THEMIS: variants seen among roughly 807,000 people sequenced by gnomAD.
THEMIS encodes protein THEMIS.
Under a neutral mutation model 52.6 loss-of-function variants are expected in THEMIS, and 37 were observed. The ratio of observed to expected loss-of-function variants is 0.70; its 90% CI spans 0.54 to 0.93. The LOEUF (loss-of-function observed/expected upper bound fraction) is 0.93, where lower values mean the gene tolerates loss of function less well. THEMIS is among the 40% of genes least tolerant of loss of function. The pLI, the probability that THEMIS is intolerant of heterozygous loss-of-function variation, is 0.00. For missense variants in THEMIS, 808 were observed against 763.1 expected, an observed-to-expected ratio of 1.06 and a Z score of -0.69; for synonymous variants, 292 against 272.7, an observed-to-expected ratio of 1.07 and a Z score of -0.70.
chr6:127,710,742 A>C (rs1562206408), intron 5 of THEMIS, among the ~76,000 whole-genome samples: 1 of 151,930 alleles, frequency 6.6e-6, no homozygotes, highest in African/African-American at 2.4e-5. Context: ...AGCGCGATGG[A>C]TGGGTAATTA....
chr6:127,756,167 A>G lies in THEMIS; in HGVS notation c.1759-36344T>C, dbSNP rs183274065. ...GGTATGCAAGTAAGTACTCATTTGC[A>G]TTATGTTACAAGTATAATTATACAA... On this transcript the variant is annotated intron_variant, in intron 4 of 5. Coordinates refer to ENST00000368248, the MANE Select transcript of THEMIS (RefSeq NM_001010923.3). Among the ~76,000 whole-genome samples, 4 of 152,354 alleles carry G rather than the reference A, an allele frequency of 2.6e-5. No homozygotes were observed. In the East Asian group the frequency reaches 7.7e-4, roughly 29 times the overall value.
At chr6:127,883,407 TTAAC>T (rs200963513) in intron 1 of THEMIS, among the ~76,000 whole-genome samples, 3,740 of 151,060 alleles carry the variant, frequency 0.025, 177 homozygotes, top group African/African-American at 0.086. Context: ...ATATAATAAA[TTAAC>T]TAATTTAAAT....
chr6:127,855,007 T>C (rs1178084296), intron 2 of THEMIS, 23 bp downstream of exon 2: 1 of 1,573,872 alleles, frequency 6.4e-7, no homozygotes, highest in South Asian at 1.2e-5. Context: ...GTACAAATGA[T>C]AAGTGGTTGC....
chr6:127,784,738 G>A (rs1389734535), intron 4 of THEMIS, among the ~76,000 whole-genome samples: 2 of 152,112 alleles, frequency 1.3e-5, no homozygotes, highest in Non-Finnish European at 2.9e-5. Flanking sequence ...AGCTGAGATG[G>A]AGTCTGTGGT....
At chr6:127,787,664 C>T (rs1360063192) in intron 4 of THEMIS, among the ~76,000 whole-genome samples, 2 of 151,964 alleles carry the variant, frequency 1.3e-5, no homozygotes, top group Non-Finnish European at 2.9e-5. Flanking sequence ...ATAAACGATA[C>T]CATAAAATGA....
chr6:127,781,253 G>C (rs1158670636), intron 4 of THEMIS, among the ~76,000 whole-genome samples: 1 of 150,578 alleles, frequency 6.6e-6, no homozygotes, highest in African/African-American at 2.4e-5. Flanking sequence ...AGGTCATCAT[G>C]TTCTTCTCTC....
intron 4 of THEMIS, among the ~76,000 whole-genome samples, chr6:127,787,895 A>AGATAGAT: frequency 6.8e-6 from 1 of 147,538 alleles, no homozygotes; most frequent in African/African-American, 2.6e-5. Flanking sequence ...ATAGATAGAT[A>AGATAGAT]GATAGATAGA....
chr6:127,731,864 A>ATTTTTTTTTTT lies in THEMIS; in HGVS notation c.1759-12052_1759-12042dup, dbSNP rs58263706. Among the ~76,000 whole-genome samples the ATTTTTTTTTTT allele has an allele frequency of 4.0e-3, 168 of 41,708 alleles. 38 individuals are homozygous for ATTTTTTTTTTT. Among genetic ancestry groups the ATTTTTTTTTTT allele is most frequent in the East Asian group, 0.035 (16 of 460 alleles). 27.4% of individuals were successfully genotyped at this position (41,708 alleles called of 152,430 possible). On this transcript the variant is annotated intron_variant, in intron 4 of 5. Coordinates refer to ENST00000368248, the MANE Select transcript of THEMIS (RefSeq NM_001010923.3). ...AGGTGCATGCCACCATGCCCGGCTA[A>ATTTTTTTTTTT]TTTTTTTTTTTTTTTTTTTTTTTAG...
intron 1 of THEMIS, among the ~76,000 whole-genome samples, chr6:127,898,773 A>G (rs1204812156): frequency 2.6e-5 from 4 of 152,110 alleles, no homozygotes; most frequent in East Asian, 3.9e-4. Flanking sequence ...TAAAATGTGG[A>G]ATATTATTCA....
Position 127,832,002 on chromosome 6 carries a change from G to T in THEMIS, c.251-2068C>A, listed in dbSNP as rs1259498688. ...CTAAGAGTCCACAATCATTATGAGG[G>T]TATAGAAAATTCAGCAGTTATTGTG... On this transcript the variant is annotated intron_variant, in intron 2 of 5. Coordinates refer to ENST00000368248, the MANE Select transcript of THEMIS (RefSeq NM_001010923.3). Among the ~76,000 whole-genome samples the T allele has an allele frequency of 2.0e-5, 3 of 151,980 alleles. No individual in the cohort carries two copies. The East Asian group carries it at 5.8e-4, about 29-fold the overall frequency.
At chr6:127,812,564 A>G (rs542166097) in intron 4 of THEMIS, among the ~76,000 whole-genome samples, 92 of 152,352 alleles carry the variant, frequency 6.0e-4, no homozygotes, top group African/African-American at 2.1e-3. Flanking sequence ...TTCTAAAATA[A>G]AAGAGGTTTG....
intron 4 of THEMIS, among the ~76,000 whole-genome samples, chr6:127,729,778 T>A (rs1158531853): frequency 6.6e-6 from 1 of 152,192 alleles, no homozygotes; most frequent in Non-Finnish European, 1.5e-5. Context: ...ATAATTAAGT[T>A]CATTCGAGTA....
intron 1 of THEMIS, among the ~76,000 whole-genome samples, chr6:127,911,056 G>T (rs1002231936): frequency 6.6e-6 from 1 of 151,534 alleles, no homozygotes; most frequent in Non-Finnish European, 1.5e-5. Context: ...TTATGGGTTT[G>T]GGGAGGAAGA....
intron 5 of THEMIS, among the ~76,000 whole-genome samples, chr6:127,717,422 A>C (rs1465112946): frequency 2.0e-5 from 3 of 151,852 alleles, no homozygotes; most frequent in African/African-American, 7.2e-5. Flanking sequence ...TTTATGGATA[A>C]AATAACATGT....
At chr6:127,804,119 C>A (rs1284292467) in intron 4 of THEMIS, among the ~76,000 whole-genome samples, 1 of 151,876 alleles carries the variant, frequency 6.6e-6, no homozygotes, top group African/African-American at 2.4e-5. Flanking sequence ...AGAAAAGAGA[C>A]CAAAGACTGA....
chr6:127,842,985 GT>G (rs1779100399), intron 2 of THEMIS, among the ~76,000 whole-genome samples: 2 of 151,940 alleles, frequency 1.3e-5, no homozygotes, highest in Non-Finnish European at 2.9e-5. Context: ...CTACTTAAGA[GT>G]TTCCTGACAA....
chr6:127,914,768 C>T (rs1305637929), intron 1 of THEMIS, among the ~76,000 whole-genome samples: 1 of 152,172 alleles, frequency 6.6e-6, no homozygotes, highest in Admixed American at 6.5e-5. Context: ...CGCCTTTGTT[C>T]CCACTTTACA....
At chr6:127,791,445 A>G (rs1167371984) in intron 4 of THEMIS, among the ~76,000 whole-genome samples, 3 of 152,122 alleles carry the variant, frequency 2.0e-5, no homozygotes, top group Non-Finnish European at 2.9e-5. Context: ...AGTCTGGCTG[A>G]GTCCAAGATT....
intron 4 of THEMIS, among the ~76,000 whole-genome samples, chr6:127,751,554 G>T (rs1485705341): frequency 6.6e-6 from 1 of 151,476 alleles, no homozygotes; most frequent in African/African-American, 2.4e-5. Flanking sequence ...AGACAAAACA[G>T]ACTTTAAGTC....
Sources: allele counts gnomAD v4.1 joint callset (sites outside exome capture counted in the v4.1 genomes callset), GRCh38; gene constraint gnomAD v4.1.1; transcripts MANE v1.5; gene names NCBI Gene and HGNC (gene_info 2026-07-23, HGNC 2026-07-21).